C6orf132: variants seen among roughly 807,000 people sequenced by gnomAD.
C6orf132 encodes the protein uncharacterized protein C6orf132.
C6orf132 carries 43 observed loss-of-function variants against 65.3 expected under a neutral mutation model. The observed-to-expected ratio is 0.66, with a 90% CI of 0.52 to 0.85. C6orf132 has a LOEUF of 0.85. Ranked by LOEUF, C6orf132 falls within the 40% of genes least tolerant of loss-of-function variation. C6orf132 has a pLI of 0.00. For synonymous variants in C6orf132, 631 were observed against 654.1 expected, an observed-to-expected ratio of 0.96 and a Z score of 0.54; for missense variants, 1,488 against 1,548.8, an observed-to-expected ratio of 0.96 and a Z score of 0.66.
At chr6:42,130,633 C>T (rs1225541769) in intron 1 of C6orf132, among the ~76,000 whole-genome samples, 1 of 152,116 alleles carries the variant, frequency 6.6e-6, no homozygotes, top group East Asian at 1.9e-4. Context: ...CTCCTTCCTA[C>T]AGTTGTTATT....
At chr6:42,138,113 G>A (rs541972451) in intron 1 of C6orf132, among the ~76,000 whole-genome samples, 2 of 152,194 alleles carry the variant, frequency 1.3e-5, no homozygotes, top group Admixed American at 6.5e-5. Context: ...CTGTGCCTGA[G>A]GTGGGACCCT....
rs917955336 is a variant in C6orf132, at chr6:42,102,400, T to A, written c.*1361A>T. Reference sequence around the variant, plus strand: ...CACCACCATGCCCAGGTCATTTTTTTATTTTTAGTAGAGACAGGGTTTCGC... The same window carrying A: ...CACCACCATGCCCAGGTCATTTTTTAATTTTTAGTAGAGACAGGGTTTCGC... On this transcript the variant is annotated 3_prime_UTR_variant, in exon 5 of 5. Transcript: ENST00000341865. The A allele has an allele frequency of 6.6e-6, 1 of 151,982 alleles. No individual in the cohort carries two copies. The allele number at this position is 151,982 out of a possible 1,614,324, so 9.4% of individuals were successfully genotyped here.
chr6:42,105,613 A>C lies in C6orf132; in HGVS notation c.2299T>G (p.Cys767Gly), dbSNP rs189132528. The C allele has an allele frequency of 1.4e-3, 2,145 of 1,536,958 alleles. 37 individuals are homozygous for C. The Admixed American group carries it at 0.038, about 27-fold the overall frequency. Residue 767 changes from cysteine to glycine, a missense_variant, in exon 4 of 5, where the codon TGT (cysteine) becomes GGT (glycine). Transcript: ENST00000341865. The stretch of plus-strand genomic sequence containing the variant: ...TGGTGGCAGTGGGGCTTGTAGAGAC[A>C]TGGCACCTCTCCTCCACCAGGAGAT... ...KTSPGGGEVP[C>G]LYKPHCHQSS...
At chr6:42,133,399 TCA>T (rs1255703873) in intron 1 of C6orf132, among the ~76,000 whole-genome samples, 1 of 152,352 alleles carries the variant, frequency 6.6e-6, no homozygotes. Flanking sequence ...CTTCGGGATC[TCA>T]GAGGTTTTAT....
intron 1 of C6orf132, among the ~76,000 whole-genome samples, chr6:42,131,014 T>G (rs149680045): frequency 0.043 from 6,589 of 152,252 alleles, 494 homozygotes; most frequent in African/African-American, 0.15. Context: ...GCCTCCGAAG[T>G]AGTTGGGATT....
chr6:42,107,423 C>T lies in C6orf132; in HGVS notation c.489G>A (p.Leu163=). 1 of 1,499,754 alleles carries T rather than the reference C, an allele frequency of 6.7e-7. No homozygotes were observed. Among genetic ancestry groups the T allele is most frequent in the Non-Finnish European group, 8.9e-7 (1 of 1,121,108 alleles). The allele number at this position is 1,499,754 out of a possible 1,614,324, so 92.9% of individuals were successfully genotyped here. ...DISEPPGGSP[L]PSPPSTAPPP... The stretch of plus-strand genomic sequence containing the variant: ...GGGGTGCTGTGGAAGGTGGAGATGG[C>T]AGTGGCGACCCCCCTGGAGGTTCTG... Residue 163 remains leucine (L), a synonymous_variant, in exon 4 of 5, where the codon CTG becomes CTA. Coordinates refer to ENST00000341865, the MANE Select transcript of C6orf132 (RefSeq NM_001164446.3).
At chr6:42,137,965 G>GC (rs1396620037) in intron 1 of C6orf132, among the ~76,000 whole-genome samples, 1 of 152,174 alleles carries the variant, frequency 6.6e-6, no homozygotes, top group African/African-American at 2.4e-5. Context: ...GGCTGAGGCA[G>GC]CAGAATCGCT....
At position 42,106,540 on chromosome 6, in the gene C6orf132, G is replaced by C. The variant is rs1371168748; in HGVS notation, c.1372C>G (p.Pro458Ala). The change falls in exon 4 of 5, where the codon CCT becomes GCT. Residue 458 changes from proline (P) to alanine (A), a missense_variant. Transcript: ENST00000341865. Reference protein sequence around the residue: ...PSPENTASSAPVDWRDPSQME... With the variant: ...PSPENTASSAAVDWRDPSQME... The stretch of plus-strand genomic sequence containing the variant: ...TGGCTGGGGTCCCTCCAGTCCACAG[G>C]TGCTGAAGACGCTGTGTTCTCTGGG... 6.5e-7 allele frequency: 1 copy of C among 1,536,202 alleles called. No homozygotes were observed. Among genetic ancestry groups the C allele is most frequent in the African/African-American group, 1.4e-5 (1 of 72,940 alleles).
At position 42,110,255 on chromosome 6, in the gene C6orf132, G is replaced by T. The variant is rs558517952; in HGVS notation, c.289C>A (p.Pro97Thr). ...QENHGLAVPT[P>T]SVPDDFADKE... ...TCTGCAAAATCATCTGGAACCGAGG[G>T]GGTGGGCACAGCCAGCCCATGGTTT... The change falls in exon 3 of 5, where the codon CCC becomes ACC. Residue 97 changes from proline (P) to threonine (T), a missense_variant. Transcript: ENST00000341865. The T allele has an allele frequency of 4.5e-6, 7 of 1,548,044 alleles. No homozygotes were observed. In the East Asian group the frequency reaches 1.7e-4, roughly 38 times the overall value.
intron 2 of C6orf132, among the ~76,000 whole-genome samples, chr6:42,122,634 C>G (rs1286618296): frequency 6.6e-6 from 1 of 152,168 alleles, no homozygotes; most frequent in Non-Finnish European, 1.5e-5. Flanking sequence ...CAGCTAAAAG[C>G]CAATCATGGC....
In C6orf132 at chr6:42,106,673, A is replaced by AGCTGGGGGAAGTGGGGGT; in HGVS notation, c.1221_1238dup (p.Pro408_Ala413dup). ...TCTGAGCACAGGGCAAAGGAGGTGC[A>AGCTGGGGGAAGTGGGGGT]GCTGGGGGAAGTGGGGGTGCTGGGG... On this transcript the variant is annotated inframe_insertion, in exon 4 of 5. Coordinates refer to ENST00000341865, the MANE Select transcript of C6orf132 (RefSeq NM_001164446.3). 1 of 1,047,770 alleles carries AGCTGGGGGAAGTGGGGGT rather than the reference A, an allele frequency of 9.5e-7. No individual in the cohort carries two copies. The highest frequency in any genetic ancestry group is 1.2e-6 in the Non-Finnish European group (1 of 865,034). The allele number at this position is 1,047,770 out of a possible 1,614,324, so 64.9% of individuals were successfully genotyped here. A position where few individuals can be genotyped will look rare whatever the true frequency, so the allele number is the denominator to read the frequency against.
intron 2 of C6orf132, among the ~76,000 whole-genome samples, chr6:42,117,923 CAAAA>C (rs556142891): frequency 0.11 from 7,078 of 62,090 alleles, 85 homozygotes; most frequent in Middle Eastern, 0.27. Context: ...AACCCTGTCA[CAAAA>C]AAAAAAAAAA....
chr6:42,142,322 C>CG lies in C6orf132; in HGVS notation c.122dup (p.Glu42GlyfsTer18). 6.4e-7 allele frequency: 1 copy of CG among 1,551,178 alleles called. No homozygotes were observed. The highest frequency in any genetic ancestry group is 8.7e-7 in the Non-Finnish European group (1 of 1,146,796). ...CACCGAAGCCCCCGGTCCCCTCCTCCGGGGCCTCCTGGGTGAAGATCCAGG... is the reference window on the plus strand; with the variant it reads ...CACCGAAGCCCCCGGTCCCCTCCTCCGGGGGCCTCCTGGGTGAAGATCCAGG... On this transcript the variant is annotated frameshift_variant, in exon 1 of 5. Coordinates refer to ENST00000341865, the MANE Select transcript of C6orf132 (RefSeq NM_001164446.3). LOFTEE classifies it high-confidence loss of function.
Position 42,104,454 on chromosome 6 carries a change from G to A in C6orf132, c.3449+9C>T. On this transcript the variant is annotated intron_variant, in intron 4 of 4. Transcript: ENST00000341865. This position sits in a 1 kb window ranked among gnomAD's most constrained non-coding sequence, Gnocchi z 4.1. The stretch of plus-strand genomic sequence containing the variant: ...CTGGCTTCCCGCACCAGCCGGGCCC[G>A]CAGCTCACCTGCCGGCAGCTGGGGC... 5 of 1,230,494 alleles carry A rather than the reference G, an allele frequency of 4.1e-6. No individual in the cohort carries two copies. Among genetic ancestry groups the A allele is most frequent in the Non-Finnish European group, 4.1e-6 (4 of 987,250 alleles). 76.2% of individuals were successfully genotyped at this position (1,230,494 alleles called of 1,614,324 possible).
chr6:42,115,289 C>CAA (rs58397911), intron 2 of C6orf132, among the ~76,000 whole-genome samples: 22 of 73,644 alleles, frequency 3.0e-4, no homozygotes, highest in Admixed American at 6.4e-4. Flanking sequence ...GACTCCATCT[C>CAA]AAAAAAAAAA....
At chr6:42,108,285 G>A (rs1273788578) in intron 3 of C6orf132, among the ~76,000 whole-genome samples, 1 of 152,212 alleles carries the variant, frequency 6.6e-6, no homozygotes, top group Non-Finnish European at 1.5e-5. Context: ...GGGGCATGAT[G>A]TCAGTGCTCG....
chr6:42,115,215 G>T (rs1469971636), intron 2 of C6orf132, among the ~76,000 whole-genome samples: 1 of 145,090 alleles, frequency 6.9e-6, no homozygotes, highest in South Asian at 2.2e-4. Flanking sequence ...ACTTGAACCC[G>T]GGAGGCAGAG....
At chr6:42,110,406 G>T in intron 2 of C6orf132, 115 bp from the exon 3 acceptor site, 2 of 760,080 alleles carry the variant, frequency 2.6e-6, no homozygotes. Flanking sequence ...GGTCATGGTT[G>T]CATAACCTTG....
rs2127473830 is a variant in C6orf132 at position 42,107,374 on chromosome 6, G to T, written c.538C>A (p.Pro180Thr). ...GGGGCCATGCTGGGCGGGGGTGGGGGTTCCAGCAGCAGGGGAGGTGGTGGG... is the reference window on the plus strand; with the variant it reads ...GGGGCCATGCTGGGCGGGGGTGGGGTTTCCAGCAGCAGGGGAGGTGGTGGG... ...APPPPPLLLE[P>T]PPPPSMAPPP... Residue 180 changes from proline (P) to threonine (T), a missense_variant, in exon 4 of 5, where the codon CCC (proline) becomes ACC (threonine). Transcript: ENST00000341865. 5.0e-6 allele frequency: 4 copies of T among 801,458 alleles called. No homozygotes were observed. Among genetic ancestry groups the T allele is most frequent in the East Asian group, 2.8e-5 (1 of 35,464 alleles). The allele number at this position is 801,458 out of a possible 1,614,324, so 49.6% of individuals were successfully genotyped here.
Sources: allele counts gnomAD v4.1 joint callset (sites outside exome capture counted in the v4.1 genomes callset), GRCh38; gene constraint gnomAD v4.1.1; non-coding constraint Gnocchi (gnomAD v3.1); transcripts MANE v1.5; gene names NCBI Gene and HGNC (gene_info 2026-07-23, HGNC 2026-07-21).